The following POFUT2 variants were observed in gnomAD, a reference collection of about 807,000 sequenced individuals.
POFUT2 encodes GDP-fucose protein O-fucosyltransferase 2.
Under a neutral mutation model 55.0 loss-of-function variants are expected in POFUT2, and 30 were observed. That is an observed-to-expected ratio of 0.55 (90% CI 0.41 to 0.74). The LOEUF (loss-of-function observed/expected upper bound fraction) is 0.74. Among genes scored for constraint, POFUT2 ranks in the 30% least tolerant of loss-of-function variants. The pLI is 0.00. For missense variants in POFUT2, 524 were observed against 562.6 expected, an observed-to-expected ratio of 0.93 and a Z score of 0.69; for synonymous variants, 267 against 231.1, an observed-to-expected ratio of 1.16 and a Z score of -1.41.
At chr21:45,266,563 G>A (rs1201499542) in intron 8 of POFUT2, 19 of 1,071,290 alleles carry the variant, frequency 1.8e-5, no homozygotes, top group Non-Finnish European at 1.9e-5. Flanking sequence ...GGCCACACCT[G>A]AGAAGCAGGG....
At position 45,287,851 on chromosome 21, in the gene POFUT2, G is replaced by C. The variant is rs1291020721; in HGVS notation, c.21C>G (p.Val7=). 7.0e-6 allele frequency: 10 copies of C among 1,424,674 alleles called. No homozygotes were observed. The highest frequency in any genetic ancestry group is 8.3e-6 in the Non-Finnish European group (9 of 1,080,778). 88.3% of individuals were successfully genotyped at this position (1,424,674 alleles called of 1,614,324 possible). A position where few individuals can be genotyped will look rare whatever the true frequency, so the allele number is the denominator to read the frequency against. MATLSF[V]FLLLGAVSWP... ...AGGACACTGCCCCCAGCAGCAGGAA[G>C]ACGAAGCTGAGTGTCGCCATGGCCC... is the stretch of plus-strand genomic sequence containing the variant. The change falls in exon 1 of 9, where the codon GTC becomes GTG. Residue 7 remains valine, a synonymous_variant. Coordinates refer to ENST00000349485, the MANE Select transcript of POFUT2 (RefSeq NM_133635.6).
chr21:45,278,493 G>C (rs2030102764), intron 4 of POFUT2, among the ~76,000 whole-genome samples: 3 of 152,240 alleles, frequency 2.0e-5, no homozygotes, highest in Admixed American at 2.0e-4. Flanking sequence ...GCTATGGCAA[G>C]CTGCAGGCGT....
chr21:45,265,678 G>A lies in POFUT2; in HGVS notation c.1137-43C>T, dbSNP rs749921173. On this transcript the variant is annotated intron_variant, in intron 8 of 8. Transcript: ENST00000349485. The surrounding 1 kb of genome is among the most constrained non-coding windows in gnomAD (Gnocchi z 4.6). The stretch of plus-strand genomic sequence containing the variant: ...GGTTCCAGAGTCAGGGAGAACTGGC[G>A]TCACAGAGGTTCCAGAGTCAGGGAG... The A allele has an allele frequency of 5.2e-6, 4 of 765,450 alleles. No homozygotes were observed. The South Asian group carries it at 1.4e-4, about 27-fold the overall frequency. The allele number at this position is 765,450 out of a possible 1,614,324, so 47.4% of individuals were successfully genotyped here. A position where few individuals can be genotyped will look rare whatever the true frequency, so the allele number is the denominator to read the frequency against.
At chr21:45,272,098 G>A (rs1280238592) in intron 6 of POFUT2, among the ~76,000 whole-genome samples, 2 of 152,108 alleles carry the variant, frequency 1.3e-5, no homozygotes, top group Admixed American at 1.3e-4. Context: ...CTCCACTTAA[G>A]AGAAACAGAA....
Position 45,287,754 on chromosome 21 carries a change from C to T in POFUT2, c.118G>A (p.Ala40Thr), listed in dbSNP as rs866159994. 4 of 1,476,380 alleles carry T rather than the reference C, an allele frequency of 2.7e-6. No homozygotes were observed. Among genetic ancestry groups the T allele is most frequent in the Non-Finnish European group, 3.6e-6 (4 of 1,108,426 alleles). 91.5% of individuals were successfully genotyped at this position (1,476,380 alleles called of 1,614,324 possible). Residue 40 changes from alanine to threonine, a missense_variant, in exon 1 of 9, where the codon GCT (alanine) becomes ACT (threonine). Ala to Thr is a moderately conservative substitution (Grantham distance 58, BLOSUM62 0). This residue lies in a region of POFUT2 where 274 missense variants were observed against 244.4 expected (regional missense o/e 1.12). Transcript: ENST00000349485. ...QSAADILSGA[A>T]SRRRYLLYDV... The stretch of plus-strand genomic sequence containing the variant: ...ACGCGCGTTTACCGTCTGCGGGAAG[C>T]CGCCCCCGACAGAATATCGGCCGCC...
rs978897510 is a variant in POFUT2, at chr21:45,281,377, A to G, written c.638+972T>C. 6.6e-5 allele frequency among the ~76,000 whole-genome samples: 10 copies of G among 152,174 alleles called. No individual in the cohort carries two copies. Among genetic ancestry groups the G allele is most frequent in the Non-Finnish European group, 1.3e-4 (9 of 68,008 alleles). Reference sequence around the variant, plus strand: ...AGGACAACATTAAAGCTGCATCTCAACAACCAAAACAATTCAGCCTAGCTC... The same window carrying G: ...AGGACAACATTAAAGCTGCATCTCAGCAACCAAAACAATTCAGCCTAGCTC... On this transcript the variant is annotated intron_variant, in intron 4 of 8. Coordinates refer to ENST00000349485, the MANE Select transcript of POFUT2 (RefSeq NM_133635.6). The surrounding 1 kb of genome is among the most constrained non-coding windows in gnomAD (Gnocchi z 5.0).
intron 7 of POFUT2, among the ~76,000 whole-genome samples, chr21:45,269,559 T>C (rs992876076): frequency 2.6e-5 from 4 of 152,142 alleles, no homozygotes; most frequent in Non-Finnish European, 5.9e-5. Context: ...CGGTACAAGA[T>C]GTGCTTTGTT....
intron 4 of POFUT2, among the ~76,000 whole-genome samples, chr21:45,278,461 T>C (rs1032741236): frequency 6.6e-6 from 1 of 152,226 alleles, no homozygotes; most frequent in African/African-American, 2.4e-5. Context: ...GCAAAAGGCT[T>C]GGAATCCAGG....
chr21:45,272,618 A>G (rs566569266), intron 6 of POFUT2, among the ~76,000 whole-genome samples: 2 of 152,342 alleles, frequency 1.3e-5, no homozygotes, highest in African/African-American at 4.8e-5. Context: ...TCGTAAGCAT[A>G]TGGAACGTTA....
At chr21:45,276,115 G>T (rs1223218819) in intron 6 of POFUT2, among the ~76,000 whole-genome samples, 1 of 152,114 alleles carries the variant, frequency 6.6e-6, no homozygotes. Context: ...CTTGAACCCG[G>T]GAGGCAGAGG....
rs771723355 is a variant in POFUT2 at position 45,282,350 on chromosome 21, G to C, written c.637C>G (p.Arg213Gly). 8 of 1,602,252 alleles carry C rather than the reference G, an allele frequency of 5.0e-6. No individual in the cohort carries two copies. The East Asian group carries it at 1.8e-4, about 36-fold the overall frequency. Residue 213 changes from arginine (R) to glycine (G), a missense_variant and splice_region_variant, in exon 4 of 9, where the codon CGG becomes GGG. Around this residue, in one of 2 missense-constraint regions of POFUT2, gnomAD observed 250 missense variants for 318.2 expected, o/e 0.79. Coordinates refer to ENST00000349485, the MANE Select transcript of POFUT2 (RefSeq NM_133635.6). This position sits in a 1 kb window ranked among gnomAD's most constrained non-coding sequence, Gnocchi z 4.6. ...TCCCGGGGGGCCTGGGGCACTCACCGGGCTGATGTGTTTCTCAGCAGCAGG... is the reference window on the plus strand; with the variant it reads ...TCCCGGGGGGCCTGGGGCACTCACCCGGCTGATGTGTTTCTCAGCAGCAGG... ...APLLLRNTSA[R>G]SVMLDRAENL...
chr21:45,281,372 T>A lies in POFUT2; in HGVS notation c.638+977A>T, dbSNP rs954935995. On this transcript the variant is annotated intron_variant, in intron 4 of 8. Coordinates refer to ENST00000349485, the MANE Select transcript of POFUT2 (RefSeq NM_133635.6). The surrounding 1 kb of genome is among the most constrained non-coding windows in gnomAD (Gnocchi z 5.0). ...GTCCCAGGACAACATTAAAGCTGCA[T>A]CTCAACAACCAAAACAATTCAGCCT... 6.6e-6 allele frequency among the ~76,000 whole-genome samples: 1 copy of A among 152,140 alleles called. No homozygotes were observed. Among genetic ancestry groups the A allele is most frequent in the Non-Finnish European group, 1.5e-5 (1 of 68,014 alleles).
chr21:45,278,260 C>A, intron 4 of POFUT2, 91 bp from the exon 5 acceptor site: 2 of 1,140,522 alleles, frequency 1.8e-6, no homozygotes, highest in South Asian at 1.2e-5. Context: ...GAACCCCGGG[C>A]CGAGGAAGCA....
chr21:45,287,684 C>T (rs2031625772), intron 1 of POFUT2, 57 bp downstream of exon 1: 1 of 454,564 alleles, frequency 2.2e-6, no homozygotes, highest in East Asian at 1.0e-4. Context: ...CCCATCCCAT[C>T]CTCTGACCCT....
rs1458616529 is a variant in POFUT2, at chr21:45,285,103, C to T, written c.382+575G>A. ...GAGCCTGACTCAAAACTAACTCATT[C>T]GTCTTCAAGGCCTCTCAAGTGCAGC... On this transcript the variant is annotated intron_variant, in intron 2 of 8. Coordinates refer to ENST00000349485, the MANE Select transcript of POFUT2 (RefSeq NM_133635.6). The surrounding 1 kb of genome is among the most constrained non-coding windows in gnomAD (Gnocchi z 4.9). Among the ~76,000 whole-genome samples the T allele has an allele frequency of 6.6e-6, 1 of 152,206 alleles. No individual in the cohort carries two copies. The highest frequency in any genetic ancestry group is 1.5e-5 in the Non-Finnish European group (1 of 68,036).
intron 1 of POFUT2, 66 bp downstream of exon 1, chr21:45,287,675 C>CCCAACCAAACACGG: frequency 8.5e-7 from 1 of 1,181,396 alleles, no homozygotes; most frequent in Non-Finnish European, 1.1e-6. Context: ...CGCCCCGCCC[C>CCCAACCAAACACGG]CATCCCATCC....
intron 2 of POFUT2, 113 bp from the exon 3 acceptor site, chr21:45,283,640 A>C: frequency 3.7e-6 from 4 of 1,091,298 alleles, no homozygotes; most frequent in African/African-American, 1.6e-5. Flanking sequence ...CCTATTCCCA[A>C]AGGGAGTGTA....
At chr21:45,274,841 T>C (rs2093248908) in intron 6 of POFUT2, among the ~76,000 whole-genome samples, 2 of 152,258 alleles carry the variant, frequency 1.3e-5, no homozygotes, top group South Asian at 4.1e-4. Context: ...TTCTAGACGA[T>C]AACATCAGAA....
intron 1 of POFUT2, among the ~76,000 whole-genome samples, chr21:45,286,302 T>TA (rs2031400417): frequency 6.6e-6 from 1 of 152,214 alleles, no homozygotes; most frequent in African/African-American, 2.4e-5. Context: ...CGTCCTATGT[T>TA]AGACGTTAAA....
Sources: gnomAD v4.1 joint callset for allele counts (sites outside exome capture counted in the v4.1 genomes callset) on GRCh38, gnomAD v4.1.1 for gene constraint, gnomAD v4.1.1 regional missense constraint, Gnocchi (gnomAD v3.1) non-coding constraint, MANE v1.5 for transcripts, NCBI Gene and HGNC (gene_info 2026-07-23, HGNC 2026-07-21) for gene names.